The following EVI5 variants were observed in gnomAD, a reference collection of about 807,000 sequenced individuals.
EVI5 encodes ecotropic viral integration site 5, also known as ecotropic viral integration site 5 protein homolog.
Under a neutral mutation model 112.0 loss-of-function variants are expected in EVI5, and 73 were observed. The observed-to-expected ratio is 0.65, with a 90% CI of 0.54 to 0.79. The LOEUF is 0.79. Ranked by LOEUF, EVI5 falls within the 30% of genes least tolerant of loss-of-function variation. The pLI, the probability that EVI5 is intolerant of heterozygous loss-of-function variation, is 0.00. For synonymous variants in EVI5, 305 were observed against 319.9 expected (o/e 0.95, Z 0.50); for missense variants, 900 against 968.8 (o/e 0.93, Z 0.94).
intron 1 of EVI5, among the ~76,000 whole-genome samples, chr1:92,781,385 T>C (rs1278833063): frequency 6.6e-6 from 1 of 151,716 alleles, no homozygotes; most frequent in Non-Finnish European, 1.5e-5. Flanking sequence ...CATATGCCTG[T>C]AGTCGTAGTC....
At chr1:92,536,294 GA>G (rs1179368676) in intron 19 of EVI5, among the ~76,000 whole-genome samples, 3 of 152,012 alleles carry the variant, frequency 2.0e-5, no homozygotes, top group Non-Finnish European at 2.9e-5. Flanking sequence ...TTAGTAATGA[GA>G]AAAGGAAAGC....
At chr1:92,753,893 T>C (rs1680543676) in intron 1 of EVI5, among the ~76,000 whole-genome samples, 1 of 152,204 alleles carries the variant, frequency 6.6e-6, no homozygotes, top group Non-Finnish European at 1.5e-5. Context: ...GACAGGACTT[T>C]AGGTTTTTTA....
chr1:92,524,923 A>T (rs1661595438), intron 19 of EVI5, among the ~76,000 whole-genome samples: 1 of 150,068 alleles, frequency 6.7e-6, no homozygotes, highest in Middle Eastern at 3.4e-3. Context: ...TGCCTCCCAG[A>T]CTCAAGCAAT....
chr1:92,520,846 C>T (rs550789361), intron 19 of EVI5, among the ~76,000 whole-genome samples: 1 of 150,428 alleles, frequency 6.6e-6, no homozygotes, highest in Non-Finnish European at 1.5e-5. Context: ...AGAGTGCAAC[C>T]CTGTCTAAAA....
At position 92,755,068 on chromosome 1, in the gene EVI5, G is replaced by GTTT. The variant is rs3216193; in HGVS notation, c.-81-18444_-81-18442dup. On this transcript the variant is annotated intron_variant, in intron 1 of 19. Coordinates refer to ENST00000684568, the MANE Select transcript of EVI5 (RefSeq NM_001350197.2). The stretch of plus-strand genomic sequence containing the variant: ...CTTAAGGTGGGTGATGTGAACATAG[G>GTTT]TTTTTTTTTTTTTTTTTTTTTGCAT... 7.8e-4 allele frequency among the ~76,000 whole-genome samples: 26 copies of GTTT among 33,532 alleles called. 1 individual carries two copies. Among genetic ancestry groups the GTTT allele is most frequent in the East Asian group, 3.9e-3 (4 of 1,020 alleles). 22.0% of individuals were successfully genotyped at this position (33,532 alleles called of 152,430 possible).
intron 2 of EVI5, among the ~76,000 whole-genome samples, chr1:92,714,987 G>T (rs934406436): frequency 3.9e-5 from 6 of 152,050 alleles, no homozygotes; most frequent in African/African-American, 4.8e-5. Context: ...CCTTCCCATG[G>T]ATTCTGAGTT....
intron 19 of EVI5, among the ~76,000 whole-genome samples, chr1:92,545,466 G>T (rs545500033): frequency 1.3e-5 from 2 of 151,362 alleles, no homozygotes; most frequent in Non-Finnish European, 2.9e-5. Context: ...AAAAATCATG[G>T]TATAGTCAAA....
At chr1:92,731,008 G>A (rs1384911032) in intron 2 of EVI5, among the ~76,000 whole-genome samples, 2 of 151,992 alleles carry the variant, frequency 1.3e-5, no homozygotes, top group Admixed American at 6.6e-5. Flanking sequence ...AAAGCTGCAG[G>A]ATACATGAAT....
chr1:92,706,203 GA>G (rs1434882169), intron 2 of EVI5, among the ~76,000 whole-genome samples: 1 of 151,510 alleles, frequency 6.6e-6, no homozygotes. Context: ...AATTTTACTT[GA>G]AAAAAATTAT....
chr1:92,536,798 G>GT (rs551207326), intron 19 of EVI5, among the ~76,000 whole-genome samples: 85 of 152,188 alleles, frequency 5.6e-4, no homozygotes, highest in Middle Eastern at 3.4e-3. Flanking sequence ...AATGTGCTGT[G>GT]TGTCTGCTTT....
rs1387580542 is a variant in EVI5 at position 92,555,386 on chromosome 1, T to C, written c.2166+8256A>G. Among the ~76,000 whole-genome samples the C allele has an allele frequency of 2.0e-5, 3 of 152,338 alleles. No individual in the cohort carries two copies. The East Asian group carries it at 5.8e-4, about 29-fold the overall frequency. ...AAATTCACTCACCAGTACAAATAGA[T>C]AGCACTGTTTTTAATTCTTATTTCT... On this transcript the variant is annotated intron_variant, in intron 19 of 19. Transcript: ENST00000684568.
intron 18 of EVI5, among the ~76,000 whole-genome samples, chr1:92,569,727 G>C (rs1465550332): frequency 1.3e-5 from 2 of 151,632 alleles, no homozygotes; most frequent in Non-Finnish European, 2.9e-5. Flanking sequence ...GGTGGCAGGC[G>C]CCTGTAATCC....
chr1:92,617,495 G>A (rs1340642736), intron 16 of EVI5, among the ~76,000 whole-genome samples: 1 of 152,148 alleles, frequency 6.6e-6, no homozygotes, highest in African/African-American at 2.4e-5. Flanking sequence ...TGGATAAGAT[G>A]ACCTGTTCTG....
At chr1:92,781,135 C>T (rs1458069177) in intron 1 of EVI5, among the ~76,000 whole-genome samples, 1 of 152,084 alleles carries the variant, frequency 6.6e-6, no homozygotes, top group African/African-American at 2.4e-5. Flanking sequence ...CAGGCATGAG[C>T]CACCACGCCC....
At chr1:92,644,397 T>C (rs770974887) in intron 13 of EVI5, among the ~76,000 whole-genome samples, 2 of 152,226 alleles carry the variant, frequency 1.3e-5, no homozygotes, top group Non-Finnish European at 1.5e-5. Flanking sequence ...CTGACATTGG[T>C]TGTTTCTTCC....
At chr1:92,631,726 C>G (rs1318849666) in intron 14 of EVI5, among the ~76,000 whole-genome samples, 13 of 152,194 alleles carry the variant, frequency 8.5e-5, no homozygotes, top group South Asian at 8.3e-4. Context: ...TGTTGAATAG[C>G]AGTGGTGAGA....
At chr1:92,604,699 A>T (rs1320178801) in intron 18 of EVI5, among the ~76,000 whole-genome samples, 1 of 152,184 alleles carries the variant, frequency 6.6e-6, no homozygotes, top group African/African-American at 2.4e-5. Flanking sequence ...GCTATACACA[A>T]CTGTACGTGC....
intron 2 of EVI5, among the ~76,000 whole-genome samples, chr1:92,735,639 C>CAT (rs1188067332): frequency 1.5e-3 from 23 of 15,098 alleles, no homozygotes; most frequent in African/African-American, 4.3e-3. Context: ...TGATATATGT[C>CAT]ATATATATAT....
At chr1:92,600,141 T>C (rs1191243724) in intron 18 of EVI5, among the ~76,000 whole-genome samples, 1 of 152,186 alleles carries the variant, frequency 6.6e-6, no homozygotes, top group Non-Finnish European at 1.5e-5. Flanking sequence ...TTTAGTTTTA[T>C]ACTTACTTAG....
Sources: allele counts gnomAD v4.1 joint callset (sites outside exome capture counted in the v4.1 genomes callset), GRCh38; gene constraint gnomAD v4.1.1; transcripts MANE v1.5; gene names NCBI Gene and HGNC (gene_info 2026-07-23, HGNC 2026-07-21).